SMYD5: variants seen among roughly 807,000 people sequenced by gnomAD.
The protein encoded by SMYD5 is SMYD family member 5.
A neutral mutation model predicts 57.4 loss-of-function variants in SMYD5; 35 were observed. That is an observed-to-expected ratio of 0.61 (90% CI 0.47 to 0.81). SMYD5 has a LOEUF of 0.81. Ranked by LOEUF, SMYD5 falls within the 30% of genes least tolerant of loss-of-function variation. The pLI is 0.00. For missense variants in SMYD5, 471 were observed against 527.9 expected (o/e 0.89, Z 1.06); for synonymous variants, 198 against 189.7 (o/e 1.04, Z -0.36).
intron 1 of SMYD5, among the ~76,000 whole-genome samples, chr2:73,216,405 A>G (rs973797461): frequency 1.3e-5 from 2 of 152,096 alleles, no homozygotes; most frequent in African/African-American, 4.8e-5. Context: ...AAATACAAAA[A>G]TTAGGCCTGG....
intron 9 of SMYD5, 21 bp downstream of exon 9, chr2:73,223,553 G>A: frequency 6.6e-7 from 1 of 1,523,176 alleles, no homozygotes; most frequent in Admixed American, 1.7e-5. Flanking sequence ...TAGGGCCTTG[G>A]CCTCACCCAG....
rs140641499 is a variant in SMYD5, at chr2:73,218,608, A to G, written c.97-253A>G. On this transcript the variant is annotated intron_variant, in intron 1 of 12. Transcript: ENST00000389501. ...CTCTCAGTAATCTGAGATGGCTGCC[A>G]TGGTGGCTGCCTCCCTGTTCCAGGC... is the stretch of plus-strand genomic sequence containing the variant. Among the ~76,000 whole-genome samples, 163 of 152,346 alleles carry G rather than the reference A, an allele frequency of 1.1e-3. 1 individual carries two copies. Among genetic ancestry groups the G allele is most frequent in the African/African-American group, 3.8e-3 (156 of 41,582 alleles).
In SMYD5 at chr2:73,225,815, T is replaced by C; in HGVS notation, c.1126T>C (p.Cys376Arg). 1 of 1,614,204 alleles carries C rather than the reference T, an allele frequency of 6.2e-7. No individual in the cohort carries two copies. Among genetic ancestry groups the C allele is most frequent in the Non-Finnish European group, 8.5e-7 (1 of 1,180,022 alleles). Residue 376 changes from cysteine to arginine, a missense_variant, in exon 13 of 13, where the codon TGT becomes CGT. Transcript: ENST00000389501. ...CTGCAGGGAGAACTATCTATTTGTCTGTTCCTGTCCCAAATGCCTGGCAGA... is the reference window on the plus strand; with the variant it reads ...CTGCAGGGAGAACTATCTATTTGTCCGTTCCTGTCCCAAATGCCTGGCAGA... ...KILRENYLFV[C>R]SCPKCLAEAD...
chr2:73,216,917 G>T (rs1167691632), intron 1 of SMYD5, among the ~76,000 whole-genome samples: 1 of 150,982 alleles, frequency 6.6e-6, no homozygotes, highest in African/African-American at 2.4e-5. Flanking sequence ...AGTATGTATG[G>T]TTTGTCCCCT....
Position 73,225,671 on chromosome 2 carries a change from G to GCAGCCGCCA in SMYD5, c.1088_1096dup (p.Ser363_His365dup). 6.2e-7 allele frequency: 1 copy of GCAGCCGCCA among 1,614,152 alleles called. No homozygotes were observed. Among genetic ancestry groups the GCAGCCGCCA allele is most frequent in the Non-Finnish European group, 8.5e-7 (1 of 1,180,016 alleles). Reference sequence around the variant, plus strand: ...TACTTGGACTGCTGTCAGCGGGAGCGCAGCCGCCACAGCCGCCACAAGATC... The same window carrying GCAGCCGCCA: ...TACTTGGACTGCTGTCAGCGGGAGCGCAGCCGCCACAGCCGCCACAGCCGCCACAAGATC... On this transcript the variant is annotated inframe_insertion, in exon 12 of 13. Coordinates refer to ENST00000389501, the MANE Select transcript of SMYD5 (RefSeq NM_006062.3).
intron 3 of SMYD5, 30 bp from the exon 4 acceptor site, chr2:73,220,631 T>A: frequency 6.2e-7 from 1 of 1,613,676 alleles, no homozygotes; most frequent in African/African-American, 1.3e-5. Context: ...GGCCAGATCC[T>A]TGGGTACTGA....
At chr2:73,214,562 GGAGTCT>G (rs1686256368) in intron 1 of SMYD5, 200 bp downstream of exon 1, 1 of 1,488,706 alleles carries the variant, frequency 6.7e-7, no homozygotes, top group South Asian at 1.3e-5. Context: ...CCGGGCCTCC[GGAGTCT>G]CCGTGCGCAT....
In SMYD5 at chr2:73,218,950, T is replaced by C; in HGVS notation, c.186T>C (p.Asn62=). 1 of 1,613,742 alleles carries C rather than the reference T, an allele frequency of 6.2e-7. No homozygotes were observed. Among genetic ancestry groups the C allele is most frequent in the Non-Finnish European group, 8.5e-7 (1 of 1,179,588 alleles). ...RPLVAAQFLW[N]ALYRYRACDH... ...TGGTGGCTGCACAGTTTCTCTGGAA[T>C]GCACTTTATCGCTACCGAGGTGAGT... The change falls in exon 2 of 13, where the codon AAT becomes AAC. Residue 62 remains asparagine (N), a synonymous_variant. Transcript: ENST00000389501.
intron 8 of SMYD5, 34 bp downstream of exon 8, chr2:73,223,140 CAG>C (rs765678339): frequency 2.7e-5 from 42 of 1,580,036 alleles, no homozygotes; most frequent in African/African-American, 6.7e-5. Context: ...AAGTTACTCT[CAG>C]GGGTGGGAAA....
chr2:73,219,050 G>C (rs1319371885), intron 2 of SMYD5, 81 bp downstream of exon 2: 3 of 1,008,298 alleles, frequency 3.0e-6, no homozygotes, highest in African/African-American at 3.1e-5. Context: ...ACTGGCTGAC[G>C]TCTCTGGAAC....
At chr2:73,224,696 T>C (rs1686464860) in intron 10 of SMYD5, among the ~76,000 whole-genome samples, 170 bp from the exon 11 acceptor site, 1 of 152,198 alleles carries the variant, frequency 6.6e-6, no homozygotes, top group Non-Finnish European at 1.5e-5. Context: ...TGTGCTGTGC[T>C]ATATGGTCTT....
intron 1 of SMYD5, among the ~76,000 whole-genome samples, chr2:73,217,616 A>G (rs749500258): frequency 6.6e-6 from 1 of 152,178 alleles, no homozygotes; most frequent in Non-Finnish European, 1.5e-5. Context: ...CTACTGTGAG[A>G]TAGAGCTTCC....
Position 73,221,944 on chromosome 2 carries a change from C to T in SMYD5, c.642+14C>T, listed in dbSNP as rs780540815. 8.6e-6 allele frequency: 13 copies of T among 1,505,542 alleles called. No individual in the cohort carries two copies. Among genetic ancestry groups the T allele is most frequent in the African/African-American group, 5.5e-5 (4 of 72,860 alleles). The allele number at this position is 1,505,542 out of a possible 1,614,324, so 93.3% of individuals were successfully genotyped here. A position where few individuals can be genotyped will look rare whatever the true frequency, so the allele number is the denominator to read the frequency against. On this transcript the variant is annotated intron_variant, in intron 6 of 12. Transcript: ENST00000389501. ...GACAAATTCAAGGTTATTATTCTCC[C>T]GTGGCCTGTCTCCTTCCCTCCCCAA...
chr2:73,219,242 G>A (rs1390392850), intron 2 of SMYD5, among the ~76,000 whole-genome samples: 1 of 152,180 alleles, frequency 6.6e-6, no homozygotes, highest in African/African-American at 2.4e-5. Flanking sequence ...ACATCATGCT[G>A]AAGGCCCAGT....
chr2:73,214,515 C>A (rs532554077), intron 1 of SMYD5, 153 bp downstream of exon 1: 1 of 1,487,552 alleles, frequency 6.7e-7, no homozygotes, highest in East Asian at 2.5e-5. Flanking sequence ...CCAGTCTGTC[C>A]CTGCGCGCAG....
At chr2:73,225,219 T>G in intron 11 of SMYD5, 1 of 494,048 alleles carries the variant, frequency 2.0e-6, no homozygotes, top group South Asian at 2.9e-5. Context: ...CAGCTATCTT[T>G]TGGTCAAATG....
chr2:73,215,957 G>T (rs548529432), intron 1 of SMYD5, among the ~76,000 whole-genome samples: 1 of 152,118 alleles, frequency 6.6e-6, no homozygotes, highest in South Asian at 2.1e-4. Context: ...AATGCTTTCT[G>T]TCATTACATT....
At position 73,226,167 on chromosome 2, in the gene SMYD5, G is replaced by A; in HGVS notation, c.*221G>A. ...GCTGAGTTGGCTCAGACTCTGCACT[G>A]GCACTGAGCCTTTCACAACTGGCCT... is the stretch of plus-strand genomic sequence containing the variant. On this transcript the variant is annotated 3_prime_UTR_variant, in exon 13 of 13. Transcript: ENST00000389501. 1.7e-6 allele frequency: 1 copy of A among 605,276 alleles called. No individual in the cohort carries two copies. Among genetic ancestry groups the A allele is most frequent in the East Asian group, 2.9e-5 (1 of 34,882 alleles). 37.5% of individuals were successfully genotyped at this position (605,276 alleles called of 1,614,324 possible).
intron 1 of SMYD5, among the ~76,000 whole-genome samples, chr2:73,215,081 A>G (rs1012019513): frequency 1.3e-5 from 2 of 152,226 alleles, no homozygotes; most frequent in Non-Finnish European, 2.9e-5. Context: ...AGAGCTGAGT[A>G]GTAGCTTCTT....
Sources: gnomAD v4.1 joint callset for allele counts (sites outside exome capture counted in the v4.1 genomes callset) on GRCh38, gnomAD v4.1.1 for gene constraint, MANE v1.5 for transcripts, NCBI Gene and HGNC (gene_info 2026-07-23, HGNC 2026-07-21) for gene names.